Variants in TIAM1 observed in about 807,000 individuals in gnomAD.
TIAM1 encodes TIAM Rac1 associated GEF 1.
Under a neutral mutation model 163.5 loss-of-function variants are expected in TIAM1, and 65 were observed. The ratio of observed to expected loss-of-function variants is 0.40; its 90% CI spans 0.33 to 0.49. TIAM1 has a LOEUF of 0.49. Ranked by LOEUF, TIAM1 falls within the 20% of genes least tolerant of loss-of-function variation. The pLI is 0.77. For missense variants in TIAM1, 1,789 were observed against 2,044.7 expected (o/e 0.87, Z 2.41); for synonymous variants, 833 against 810.1 (o/e 1.03, Z -0.48).
At chr21:31,368,509 A>G (rs2076536659) in intron 2 of TIAM1, among the ~76,000 whole-genome samples, 1 of 152,184 alleles carries the variant, frequency 6.6e-6, no homozygotes, top group Non-Finnish European at 1.5e-5. Flanking sequence ...TAGGCTTCGG[A>G]TTTGCTGCCA....
At chr21:31,488,231 G>C (rs1233476982) in intron 1 of TIAM1, among the ~76,000 whole-genome samples, 1 of 152,158 alleles carries the variant, frequency 6.6e-6, no homozygotes, top group African/African-American at 2.4e-5. Flanking sequence ...GTACTCCAGG[G>C]AGCTTTACAA....
intron 1 of TIAM1, among the ~76,000 whole-genome samples, chr21:31,516,359 C>G (rs1040897856): frequency 6.6e-6 from 1 of 152,134 alleles, no homozygotes; most frequent in African/African-American, 2.4e-5. Flanking sequence ...TTGCACTGAG[C>G]TGAGATCTCG....
chr21:31,141,404 C>T lies in TIAM1; in HGVS notation c.3576G>A (p.Arg1192=). The change falls in exon 21 of 28, where the codon AGG becomes AGA. Residue 1192 remains arginine, a synonymous_variant. Coordinates refer to ENST00000541036, the MANE Select transcript of TIAM1 (RefSeq NM_001353694.2). The surrounding 1 kb of genome is among the most constrained non-coding windows in gnomAD (Gnocchi z 4.7). ...TGAGCAGAAGTGGGTACTTGAGGATCCTCTGGATGGGCTTGATGAGGTACG... is the reference window on the plus strand; with the variant it reads ...TGAGCAGAAGTGGGTACTTGAGGATTCTCTGGATGGGCTTGATGAGGTACG... ...LESYLIKPIQ[R]ILKYPLLLRE... The T allele has an allele frequency of 2.5e-6, 4 of 1,614,242 alleles. No homozygotes were observed. Among genetic ancestry groups the T allele is most frequent in the Non-Finnish European group, 3.4e-6 (4 of 1,180,046 alleles).
chr21:31,247,077 T>C (rs1324473719), intron 5 of TIAM1, among the ~76,000 whole-genome samples: 3 of 152,140 alleles, frequency 2.0e-5, no homozygotes, highest in African/African-American at 7.2e-5. Flanking sequence ...CGCAGCACTT[T>C]GGGAGGACAA....
intron 15 of TIAM1, among the ~76,000 whole-genome samples, chr21:31,176,795 T>C (rs1232842212): frequency 6.9e-6 from 1 of 145,828 alleles, no homozygotes; most frequent in African/African-American, 2.6e-5. Flanking sequence ...CCAGGAAGAG[T>C]TGGTGACCTA....
intron 12 of TIAM1, among the ~76,000 whole-genome samples, chr21:31,197,678 G>A (rs2300336): frequency 0.18 from 26,621 of 151,830 alleles, 3,426 homozygotes; most frequent in East Asian, 0.4. Flanking sequence ...CGGATATTTC[G>A]TTTTCTTATG....
intron 12 of TIAM1, among the ~76,000 whole-genome samples, chr21:31,198,726 T>C (rs1005742912): frequency 2.0e-5 from 3 of 152,208 alleles, no homozygotes; most frequent in African/African-American, 7.2e-5. Flanking sequence ...CAGGATCTAG[T>C]GGGACTAGAG....
intron 20 of TIAM1, 152 bp downstream of exon 20, chr21:31,146,743 A>C (rs1031279012): frequency 1.7e-6 from 1 of 581,412 alleles, no homozygotes; most frequent in Non-Finnish European, 3.1e-6. Context: ...AAATGAATAC[A>C]TTACATTGCT....
chr21:31,373,519 CTTA>C (rs1448011324), intron 2 of TIAM1, among the ~76,000 whole-genome samples: 4 of 152,146 alleles, frequency 2.6e-5, no homozygotes, highest in Non-Finnish European at 4.4e-5. Flanking sequence ...TCTCGTGAGA[CTTA>C]TTTATAAGCC....
At chr21:31,450,960 T>A (rs546253884) in intron 2 of TIAM1, among the ~76,000 whole-genome samples, 3 of 151,460 alleles carry the variant, frequency 2.0e-5, no homozygotes, top group East Asian at 3.9e-4. Flanking sequence ...CCAAACCATA[T>A]CAAGAGTCTA....
chr21:31,209,921 G>T lies in TIAM1; in HGVS notation c.2388+124C>A, dbSNP rs1316049730. 15 of 963,214 alleles carry T rather than the reference G, an allele frequency of 1.6e-5. No individual in the cohort carries two copies. The African/African-American group carries it at 2.5e-4, about 16-fold the overall frequency. 59.7% of individuals were successfully genotyped at this position (963,214 alleles called of 1,614,324 possible). A position where few individuals can be genotyped will look rare whatever the true frequency, so the allele number is the denominator to read the frequency against. ...AAGGAATGCAATGCTGCTCCGAAAT[G>T]AAAGGGAGGTGTGTTTTAAGCACCT... On this transcript the variant is annotated intron_variant, in intron 11 of 27. Transcript: ENST00000541036.
chr21:31,246,426 A>C (rs978241050), intron 5 of TIAM1, among the ~76,000 whole-genome samples: 21 of 152,198 alleles, frequency 1.4e-4, no homozygotes, highest in Non-Finnish European at 4.4e-5. Flanking sequence ...TCTAAACTTG[A>C]GGCTCACTTT....
intron 2 of TIAM1, among the ~76,000 whole-genome samples, chr21:31,463,275 C>T (rs951697274): frequency 1.3e-5 from 2 of 152,228 alleles, no homozygotes; most frequent in Admixed American, 1.3e-4. Context: ...ACCACTGTCA[C>T]TTCACAAACC....
chr21:31,553,867 T>G (rs963696187), intron 1 of TIAM1, among the ~76,000 whole-genome samples: 1 of 152,014 alleles, frequency 6.6e-6, no homozygotes, highest in Non-Finnish European at 1.5e-5. Context: ...GGTCCTGACA[T>G]CTCCCCTTCC....
chr21:31,541,860 G>A (rs7278455), intron 1 of TIAM1, among the ~76,000 whole-genome samples: 39,702 of 152,202 alleles, frequency 0.26, 6,078 homozygotes, highest in African/African-American at 0.42. Flanking sequence ...TTTTAAAAGA[G>A]TAAGCTGATC....
chr21:31,538,902 G>A (rs1239792016), intron 1 of TIAM1, among the ~76,000 whole-genome samples: 1 of 149,398 alleles, frequency 6.7e-6, no homozygotes, highest in Non-Finnish European at 1.5e-5. Context: ...TCCCTGCACG[G>A]CCGCTCATTC....
chr21:31,487,666 TC>T (rs1351867393), intron 1 of TIAM1, among the ~76,000 whole-genome samples: 1 of 151,396 alleles, frequency 6.6e-6, no homozygotes, highest in Non-Finnish European at 1.5e-5. Context: ...CACGCCATTC[TC>T]CTGCCTCAGC....
chr21:31,442,070 A>AAAAAAAAT lies in TIAM1; in HGVS notation c.-369+21912_-369+21913insATTTTTTT, dbSNP rs1555982215. On this transcript the variant is annotated intron_variant, in intron 2 of 28. Coordinates refer to the TIAM1 transcript ENST00000286827. ...GACCCTATCTCAGAACAAATAAATA[A>AAAAAAAAT]ATATATATATATATATAGAACAATA... 7.6e-3 allele frequency among the ~76,000 whole-genome samples: 405 copies of AAAAAAAAT among 53,232 alleles called. 29 individuals are homozygous for AAAAAAAAT. The highest frequency in any genetic ancestry group is 0.025 in the African/African-American group (372 of 14,878). 34.9% of individuals were successfully genotyped at this position (53,232 alleles called of 152,430 possible). A position where few individuals can be genotyped will look rare whatever the true frequency, so the allele number is the denominator to read the frequency against.
intron 2 of TIAM1, among the ~76,000 whole-genome samples, chr21:31,418,232 C>G (rs933267418): frequency 1.3e-5 from 2 of 151,164 alleles, no homozygotes; most frequent in Non-Finnish European, 2.9e-5. Flanking sequence ...ATCCCAGCTA[C>G]TCGGGAGGCT....
Sources: allele counts gnomAD v4.1 joint callset (sites outside exome capture counted in the v4.1 genomes callset), GRCh38; gene constraint gnomAD v4.1.1; non-coding constraint Gnocchi (gnomAD v3.1); transcripts MANE v1.5; gene names NCBI Gene and HGNC (gene_info 2026-07-23, HGNC 2026-07-21).